ASIC2: variants seen among roughly 807,000 people sequenced by gnomAD.
ASIC2 encodes the protein acid-sensing ion channel 2.
ASIC2 carries 25 observed loss-of-function variants against 57.3 expected under a neutral mutation model. The ratio of observed to expected loss-of-function variants is 0.44; its 90% CI spans 0.32 to 0.61. The LOEUF (loss-of-function observed/expected upper bound fraction) is 0.61, where lower values mean the gene tolerates loss of function less well. Ranked by LOEUF, ASIC2 falls within the 20% of genes least tolerant of loss-of-function variation. The pLI is 0.06. For synonymous variants in ASIC2, 319 were observed against 307.5 expected, an observed-to-expected ratio of 1.04 and a Z score of -0.39; for missense variants, 641 against 738.1, an observed-to-expected ratio of 0.87 and a Z score of 1.52.
chr17:34,025,859 C>A (rs923283556), intron 1 of ASIC2, among the ~76,000 whole-genome samples: 2 of 152,150 alleles, frequency 1.3e-5, no homozygotes, highest in South Asian at 4.1e-4. Flanking sequence ...TTCAAAAGGG[C>A]TTCTGAGAGT....
chr17:33,311,428 CTG>C (rs34323667), intron 1 of ASIC2, among the ~76,000 whole-genome samples: 3,367 of 147,890 alleles, frequency 0.023, 71 homozygotes, highest in African/African-American at 0.058. Flanking sequence ...GTCTGTCTAT[CTG>C]TGTGTGTGTG....
intron 1 of ASIC2, among the ~76,000 whole-genome samples, chr17:33,407,685 T>A (rs1027201235): frequency 6.6e-6 from 1 of 152,236 alleles, no homozygotes; most frequent in Non-Finnish European, 1.5e-5. Flanking sequence ...AATTTGAGCT[T>A]CAGGCCTTTG....
intron 1 of ASIC2, among the ~76,000 whole-genome samples, chr17:33,354,040 G>A (rs1908283699): frequency 6.6e-6 from 1 of 152,156 alleles, no homozygotes; most frequent in South Asian, 2.1e-4. Flanking sequence ...GTCTTACATG[G>A]TGCGGGCAAG....
chr17:33,393,829 C>T (rs1909983896), intron 1 of ASIC2, among the ~76,000 whole-genome samples: 1 of 152,126 alleles, frequency 6.6e-6, no homozygotes, highest in Admixed American at 6.5e-5. Flanking sequence ...AGCCACTGGG[C>T]TTGACTGAGG....
chr17:33,455,773 C>A (rs1369839052), intron 1 of ASIC2, among the ~76,000 whole-genome samples: 2 of 152,154 alleles, frequency 1.3e-5, no homozygotes, highest in African/African-American at 2.4e-5. Context: ...CTCAAAAGCC[C>A]CAGATAGCCG....
At chr17:33,510,389 T>C (rs960738624) in intron 1 of ASIC2, among the ~76,000 whole-genome samples, 7 of 152,176 alleles carry the variant, frequency 4.6e-5, no homozygotes, top group Non-Finnish European at 8.8e-5. Flanking sequence ...TGGTGGCTCA[T>C]GCCTGTAATC....
rs35586948 is a variant in ASIC2 at position 33,930,941 on chromosome 17, C to T, written c.555+225037G>A. Among the ~76,000 whole-genome samples, 1,270 of 152,250 alleles carry T rather than the reference C, an allele frequency of 8.3e-3. 22 individuals carry two copies. The highest frequency in any genetic ancestry group is 0.028 in the African/African-American group (1,181 of 41,534). On this transcript the variant is annotated intron_variant, in intron 1 of 9. Coordinates refer to the ASIC2 transcript ENST00000359872. ...TGTTTGTTTATTTATTTATTTTAGA[C>T]GGAGTCTCTCTCTGCCGCCCAGGCT...
intron 1 of ASIC2, among the ~76,000 whole-genome samples, chr17:33,776,995 T>C (rs1911301053): frequency 6.6e-6 from 1 of 152,180 alleles, no homozygotes; most frequent in Non-Finnish European, 1.5e-5. Context: ...TTCCGAGCCC[T>C]GCGATGGCTT....
At chr17:33,717,810 G>T (rs1250449324) in intron 1 of ASIC2, among the ~76,000 whole-genome samples, 3 of 152,182 alleles carry the variant, frequency 2.0e-5, no homozygotes, top group Admixed American at 2.0e-4. Flanking sequence ...TCGAAGGGAT[G>T]GCGTGAGAGT....
At chr17:34,118,138 T>C (rs1188770527) in intron 1 of ASIC2, among the ~76,000 whole-genome samples, 1 of 152,188 alleles carries the variant, frequency 6.6e-6, no homozygotes, top group East Asian at 1.9e-4. Flanking sequence ...GGTTTAAATC[T>C]TCCACTGTCA....
At chr17:33,395,225 C>T (rs1910035187) in intron 1 of ASIC2, among the ~76,000 whole-genome samples, 1 of 151,870 alleles carries the variant, frequency 6.6e-6, no homozygotes, top group Admixed American at 6.6e-5. Flanking sequence ...TCCATCCATC[C>T]ATCCATCTTT....
intron 1 of ASIC2, chr17:34,039,243 G>A (rs1347476448): frequency 9.9e-6 from 16 of 1,613,910 alleles, no homozygotes; most frequent in South Asian, 5.5e-5. Flanking sequence ...TTGTGAGGTC[G>A]GACTGGGTCT....
intron 1 of ASIC2, among the ~76,000 whole-genome samples, chr17:33,365,482 A>AT (rs1908774623): frequency 6.6e-6 from 1 of 151,876 alleles, no homozygotes; most frequent in South Asian, 2.1e-4. Flanking sequence ...ACTTTAGAAG[A>AT]TTCGTTCATT....
At chr17:33,053,054 T>C (rs1178423059) in intron 3 of ASIC2, among the ~76,000 whole-genome samples, 3 of 152,188 alleles carry the variant, frequency 2.0e-5, no homozygotes, top group Admixed American at 1.3e-4. Context: ...GCCAACTGCA[T>C]TGGATTGCAA....
chr17:33,589,325 G>T (rs1245200881), intron 1 of ASIC2, among the ~76,000 whole-genome samples: 1 of 152,108 alleles, frequency 6.6e-6, no homozygotes, highest in African/African-American at 2.4e-5. Context: ...CCCCTGAACT[G>T]AAATTATTTC....
At chr17:33,014,458 G>A (rs2091795295) in intron 9 of ASIC2, among the ~76,000 whole-genome samples, 1 of 151,924 alleles carries the variant, frequency 6.6e-6, no homozygotes, top group South Asian at 2.1e-4. Flanking sequence ...GCTAAGCCTG[G>A]GGCAGGGAGG....
At chr17:33,261,295 T>C (rs895762124) in intron 1 of ASIC2, among the ~76,000 whole-genome samples, 1 of 152,228 alleles carries the variant, frequency 6.6e-6, no homozygotes, top group South Asian at 2.1e-4. Flanking sequence ...CTTCCCCTCA[T>C]CACCCACTCA....
intron 1 of ASIC2, among the ~76,000 whole-genome samples, chr17:33,579,667 T>A (rs570167985): frequency 5.9e-5 from 9 of 152,166 alleles, no homozygotes; most frequent in African/African-American, 2.2e-4. Context: ...GCTCCTGGTC[T>A]GGCAGACTTC....
chr17:34,084,720 A>G (rs1910032844), intron 1 of ASIC2, among the ~76,000 whole-genome samples: 1 of 152,072 alleles, frequency 6.6e-6, no homozygotes, highest in Non-Finnish European at 1.5e-5. Context: ...TATTTCATTG[A>G]GCAGTGGTTT....
Sources: gnomAD v4.1 joint callset for allele counts (sites outside exome capture counted in the v4.1 genomes callset) on GRCh38, gnomAD v4.1.1 for gene constraint, MANE v1.5 for transcripts, NCBI Gene and HGNC (gene_info 2026-07-23, HGNC 2026-07-21) for gene names.